The following NSUN7 variants were observed in gnomAD, a reference collection of about 807,000 sequenced individuals.
The protein encoded by NSUN7 is protein NSUN7.
A neutral mutation model predicts 58.5 loss-of-function variants in NSUN7; 39 were observed. That is an observed-to-expected ratio of 0.67 (90% confidence interval 0.52 to 0.87). NSUN7 has a LOEUF of 0.87. Among genes scored for constraint, NSUN7 ranks in the 40% least tolerant of loss-of-function variants. The probability of loss-of-function intolerance (pLI) is 0.00; values close to 1 mark genes in which losing one functional copy is unlikely to be tolerated. For synonymous variants in NSUN7, 278 were observed against 303.7 expected, an observed-to-expected ratio of 0.92 and a Z score of 0.88; for missense variants, 765 against 844.1, an observed-to-expected ratio of 0.91 and a Z score of 1.16.
rs755184425 is a variant in NSUN7, at chr4:40,776,164, C to A, written c.941C>A (p.Thr314Lys). The A allele has an allele frequency of 4.3e-6, 7 of 1,611,784 alleles. No homozygotes were observed. The South Asian group carries it at 7.7e-5, about 18-fold the overall frequency. ...WYTVSHMSIL[T>K]NNNTSKVFVC... ...ACAGTTTCCCACATGTCAATTTTAA[C>A]AAATAATAATACCTCAAAAGTATTT... The change falls in exon 7 of 12, where the codon ACA becomes AAA. Residue 314 changes from threonine to lysine, a missense_variant. By Grantham distance (78) the Thr-to-Lys change is moderately conservative (BLOSUM62 -1). Coordinates refer to ENST00000381782, the MANE Select transcript of NSUN7 (RefSeq NM_024677.6).
intron 3 of NSUN7, 28 bp downstream of exon 3, chr4:40,760,520 CG>C: frequency 6.6e-7 from 1 of 1,504,488 alleles, no homozygotes; most frequent in African/African-American, 1.4e-5. Context: ...AGAATTACAT[CG>C]TTTCATGATT....
At chr4:40,803,637 A>G (rs1743698269) in intron 10 of NSUN7, among the ~76,000 whole-genome samples, 1 of 152,194 alleles carries the variant, frequency 6.6e-6, no homozygotes, top group African/African-American at 2.4e-5. Context: ...TTGAGATGTA[A>G]TTCACATACT....
At chr4:40,807,214 T>C in intron 11 of NSUN7, 30 bp downstream of exon 11, 2 of 1,531,128 alleles carry the variant, frequency 1.3e-6, no homozygotes, top group Non-Finnish European at 1.8e-6. Context: ...ATCCATGTCA[T>C]ACTTTGGAAT....
chr4:40,793,702 A>G (rs1368368670), intron 8 of NSUN7, among the ~76,000 whole-genome samples: 1 of 152,188 alleles, frequency 6.6e-6, no homozygotes, highest in Non-Finnish European at 1.5e-5. Context: ...TAGTAGCTAT[A>G]TAACCTTAGA....
chr4:40,787,909 A>G (rs1040454944), intron 7 of NSUN7, among the ~76,000 whole-genome samples: 22 of 152,168 alleles, frequency 1.4e-4, no homozygotes, highest in Non-Finnish European at 1.0e-4. Context: ...ATCTTGGCTC[A>G]CTGCAACCTC....
At position 40,750,042 on chromosome 4, in the gene NSUN7, C is replaced by G. The variant is rs114806571; in HGVS notation, c.-350C>G. ...CACCGCGCTCACCCCTCTTCGCCGCCACGTCCGCGAAGGCCTCACGCGCGA... is the reference window on the plus strand; with the variant it reads ...CACCGCGCTCACCCCTCTTCGCCGCGACGTCCGCGAAGGCCTCACGCGCGA... On this transcript the variant is annotated 5_prime_UTR_variant, in exon 1 of 12. Coordinates refer to ENST00000381782, the MANE Select transcript of NSUN7 (RefSeq NM_024677.6). The G allele has an allele frequency of 6.6e-6, 1 of 152,280 alleles. No individual in the cohort carries two copies. The highest frequency in any genetic ancestry group is 2.4e-5 in the African/African-American group (1 of 41,432). 9.4% of individuals were successfully genotyped at this position (152,280 alleles called of 1,614,324 possible).
chr4:40,805,137 T>C (rs1055051267), intron 10 of NSUN7, among the ~76,000 whole-genome samples: 2 of 152,216 alleles, frequency 1.3e-5, no homozygotes, highest in Admixed American at 6.5e-5. Context: ...GTGTGAGCCA[T>C]TGTGTGTTTG....
At position 40,810,997 on chromosome 4, in the gene NSUN7, G is replaced by GTA. The variant is rs1744287183; in HGVS notation, c.*2060_*2061dup. ...GGTCTTGAGATTTTTATTTTCAAGT[G>GTA]TATTTTCTGTGATGTTGTCTCATTG... is the stretch of plus-strand genomic sequence containing the variant. On this transcript the variant is annotated 3_prime_UTR_variant, in exon 12 of 12. Coordinates refer to ENST00000381782, the MANE Select transcript of NSUN7 (RefSeq NM_024677.6). The GTA allele has an allele frequency of 6.6e-6, 1 of 152,186 alleles. No homozygotes were observed. 9.4% of individuals were successfully genotyped at this position (152,186 alleles called of 1,614,324 possible). A position where few individuals can be genotyped will look rare whatever the true frequency, so the allele number is the denominator to read the frequency against.
rs750593395 is a variant in NSUN7, at chr4:40,776,141, A to T, written c.918A>T (p.Thr306=). Residue 306 remains threonine (T), a synonymous_variant, in exon 7 of 12, where the codon ACA becomes ACT. Coordinates refer to ENST00000381782, the MANE Select transcript of NSUN7 (RefSeq NM_024677.6). ...TGGTCAATACAGGCTCATGGTACACAGTTTCCCACATGTCAATTTTAACAA... is the reference window on the plus strand; with the variant it reads ...TGGTCAATACAGGCTCATGGTACACTGTTTCCCACATGTCAATTTTAACAA... ...VLMVNTGSWY[T]VSHMSILTNN... is the part of the protein sequence containing the mutation. 6 of 1,607,598 alleles carry T rather than the reference A, an allele frequency of 3.7e-6. No individual in the cohort carries two copies. In the African/African-American group the frequency reaches 6.7e-5, roughly 18 times the overall value.
At chr4:40,791,899 A>C (rs933696229) in intron 8 of NSUN7, among the ~76,000 whole-genome samples, 5 of 152,216 alleles carry the variant, frequency 3.3e-5, no homozygotes, top group Non-Finnish European at 7.3e-5. Context: ...AAGACTCAGA[A>C]AAATTAAACC....
intron 4 of NSUN7, among the ~76,000 whole-genome samples, chr4:40,770,690 A>G (rs1741955589): frequency 6.6e-6 from 1 of 152,240 alleles, no homozygotes; most frequent in Non-Finnish European, 1.5e-5. Context: ...AAAAATGTAA[A>G]TGTATATTAC....
chr4:40,780,807 ATATATATTTTTTTTTTTT>A (rs1560555689), intron 7 of NSUN7, among the ~76,000 whole-genome samples: 114 of 100,632 alleles, frequency 1.1e-3, no homozygotes, highest in African/African-American at 4.3e-3. Context: ...ATATATATAT[ATATATATTTTTTTTTTTT>A]TTTTTTTTTT....
At chr4:40,804,921 C>T (rs1402092994) in intron 10 of NSUN7, among the ~76,000 whole-genome samples, 2 of 152,172 alleles carry the variant, frequency 1.3e-5, no homozygotes, top group Non-Finnish European at 1.5e-5. Flanking sequence ...CACCACCAAA[C>T]CTCTCAGTGC....
Position 40,810,998 on chromosome 4 carries a change from T to C in NSUN7, c.*2059T>C, listed in dbSNP as rs1744286832. ...GTCTTGAGATTTTTATTTTCAAGTGTATTTTCTGTGATGTTGTCTCATTGT... is the reference window on the plus strand; with the variant it reads ...GTCTTGAGATTTTTATTTTCAAGTGCATTTTCTGTGATGTTGTCTCATTGT... On this transcript the variant is annotated 3_prime_UTR_variant, in exon 12 of 12. Transcript: ENST00000381782. 1 of 152,248 alleles carries C rather than the reference T, an allele frequency of 6.6e-6. No individual in the cohort carries two copies. The allele number at this position is 152,248 out of a possible 1,614,324, so 9.4% of individuals were successfully genotyped here.
At chr4:40,780,784 CACATACACATATATATATAT>C (rs1200958931) in intron 7 of NSUN7, among the ~76,000 whole-genome samples, 3 of 78,874 alleles carry the variant, frequency 3.8e-5, no homozygotes, top group Admixed American at 1.4e-4. Context: ...CACACACACA[CACATACACATATATATATAT>C]ATATATATAT....
Position 40,775,155 on chromosome 4 carries a change from A to T in NSUN7, c.825+205A>T. 1 of 279,694 alleles carries T rather than the reference A, an allele frequency of 3.6e-6. No homozygotes were observed. The highest frequency in any genetic ancestry group is 6.6e-6 in the Non-Finnish European group (1 of 150,824). The allele number at this position is 279,694 out of a possible 1,614,324, so 17.3% of individuals were successfully genotyped here. ...GTCTTTGTCTCATGTGAATTTATAA[A>T]GAACATATTCTTCTCCCAGATTCCA... is the stretch of plus-strand genomic sequence containing the variant. On this transcript the variant is annotated intron_variant, in intron 6 of 11. Transcript: ENST00000381782. The surrounding 1 kb of genome is among the most constrained non-coding windows in gnomAD (Gnocchi z 4.3).
At position 40,798,831 on chromosome 4, in the gene NSUN7, C is replaced by T. The variant is rs753540249; in HGVS notation, c.1327C>T (p.Pro443Ser). Residue 443 changes from proline to serine, a missense_variant, in exon 10 of 12, where the codon CCA becomes TCA. By Grantham distance (74) the Pro-to-Ser change is moderately conservative (BLOSUM62 -1). Transcript: ENST00000381782. ...AVVYCTCSVF[P>S]EENEAVVKKA... Reference sequence around the variant, plus strand: ...TGTTTACTGCACATGTTCAGTTTTTCCAGAAGAAAATGAAGCTGTTGTTAA... The same window carrying T: ...TGTTTACTGCACATGTTCAGTTTTTTCAGAAGAAAATGAAGCTGTTGTTAA... The T allele has an allele frequency of 1.2e-6, 2 of 1,612,158 alleles. No individual in the cohort carries two copies. The highest frequency in any genetic ancestry group is 4.5e-5 in the East Asian group (2 of 44,658).
intron 7 of NSUN7, among the ~76,000 whole-genome samples, chr4:40,784,031 T>C (rs1212888639): frequency 1.3e-5 from 2 of 152,126 alleles, no homozygotes; most frequent in Non-Finnish European, 2.9e-5. Flanking sequence ...AGTAAGCTCA[T>C]GTGAAAAGAT....
intron 4 of NSUN7, among the ~76,000 whole-genome samples, chr4:40,766,357 T>C (rs1375156737): frequency 6.6e-6 from 1 of 151,894 alleles, no homozygotes; most frequent in Non-Finnish European, 1.5e-5. Flanking sequence ...TTTTTGTCTT[T>C]GGTTCTGTTT....
Sources: gnomAD v4.1 joint callset for allele counts (sites outside exome capture counted in the v4.1 genomes callset) on GRCh38, gnomAD v4.1.1 for gene constraint, Gnocchi (gnomAD v3.1) non-coding constraint, MANE v1.5 for transcripts, NCBI Gene and HGNC (gene_info 2026-07-23, HGNC 2026-07-21) for gene names.